The following PDE11A variants were observed in gnomAD, a reference collection of about 807,000 sequenced individuals.
The protein encoded by PDE11A is phosphodiesterase 11A.
A neutral mutation model predicts 100.5 loss-of-function variants in PDE11A; 100 were observed. The ratio of observed to expected loss-of-function variants is 1.00; its 90% CI spans 0.85 to 1.18. The LOEUF is 1.18. PDE11A is among the 50% of genes most tolerant of loss of function. The pLI, the probability that PDE11A is intolerant of heterozygous loss-of-function variation, is 0.00. For missense variants in PDE11A, 1,141 were observed against 1,152.6 expected (o/e 0.99, Z 0.15); for synonymous variants, 381 against 420.8 (o/e 0.91, Z 1.16).
At chr2:177,842,950 G>T (rs146095633) in intron 5 of PDE11A, among the ~76,000 whole-genome samples, 88 of 152,174 alleles carry the variant, frequency 5.8e-4, no homozygotes, top group African/African-American at 2.0e-3. Flanking sequence ...TAATTTTCAC[G>T]GAGAATAAAA....
chr2:177,704,230 T>C (rs1256494870), intron 13 of PDE11A, among the ~76,000 whole-genome samples: 1 of 152,182 alleles, frequency 6.6e-6, no homozygotes, highest in Non-Finnish European at 1.5e-5. Context: ...TCCCCTATAA[T>C]TGTGTCAGGA....
intron 1 of PDE11A, among the ~76,000 whole-genome samples, chr2:178,025,954 A>G (rs1397661772): frequency 6.6e-6 from 1 of 152,232 alleles, no homozygotes; most frequent in African/African-American, 2.4e-5. Flanking sequence ...ATCAGCATGA[A>G]GCTGTGATTC....
intron 1 of PDE11A, among the ~76,000 whole-genome samples, chr2:178,021,252 G>A (rs891974179): frequency 2.1e-4 from 32 of 152,130 alleles, no homozygotes; most frequent in African/African-American, 7.0e-4. Context: ...ATGAGCCACC[G>A]CACCCAGCCT....
chr2:177,836,348 A>T (rs2083397691), intron 6 of PDE11A, among the ~76,000 whole-genome samples: 1 of 152,196 alleles, frequency 6.6e-6, no homozygotes, highest in East Asian at 1.9e-4. Context: ...GTTTGTAAAC[A>T]CACCAATCAG....
intron 1 of PDE11A, among the ~76,000 whole-genome samples, chr2:178,052,573 G>A (rs1404216483): frequency 2.0e-5 from 3 of 152,076 alleles, no homozygotes; most frequent in African/African-American, 7.2e-5. Context: ...ATGAATCCAG[G>A]AGCTGGTTTT....
rs79652762 is a variant in PDE11A, at chr2:177,816,552, T to C, written c.1737+277A>G. ...ATAAATTTGAAATCCTGCCAAATTA[T>C]CTTTGGATTGTCACTATTTAATAAA... On this transcript the variant is annotated intron_variant, in intron 9 of 19. Transcript: ENST00000286063. Among the ~76,000 whole-genome samples the C allele has an allele frequency of 1.0e-3, 159 of 152,322 alleles. 1 individual carries two copies. In the East Asian group the frequency reaches 0.026, roughly 25 times the overall value.
At chr2:177,946,003 G>C (rs2085418397) in intron 2 of PDE11A, among the ~76,000 whole-genome samples, 1 of 149,410 alleles carries the variant, frequency 6.7e-6, no homozygotes, top group African/African-American at 2.5e-5. Flanking sequence ...GGAGGGAGAT[G>C]GGGGGTCAGC....
intron 18 of PDE11A, 107 bp from the exon 19 acceptor site, chr2:177,664,056 C>T (rs1174969764): frequency 8.3e-6 from 6 of 724,788 alleles, no homozygotes; most frequent in South Asian, 3.0e-5. Flanking sequence ...CAAACTGAAC[C>T]CTTCGCAAAT....
intron 1 of PDE11A, among the ~76,000 whole-genome samples, chr2:178,032,565 T>C (rs2086562532): frequency 6.6e-6 from 1 of 151,532 alleles, no homozygotes; most frequent in Non-Finnish European, 1.5e-5. Flanking sequence ...ACAGAATGCC[T>C]CCTCAAGTGG....
At chr2:177,639,160 G>C (rs902418554) in intron 19 of PDE11A, among the ~76,000 whole-genome samples, 2 of 152,150 alleles carry the variant, frequency 1.3e-5, no homozygotes, top group Non-Finnish European at 1.5e-5. Flanking sequence ...AACAGTTGTA[G>C]GACTCACTTC....
chr2:177,710,365 G>A (rs1435757017), intron 13 of PDE11A, among the ~76,000 whole-genome samples: 1 of 151,950 alleles, frequency 6.6e-6, no homozygotes, highest in African/African-American at 2.4e-5. Flanking sequence ...GTGGTGCGGG[G>A]GAGGCGGGGG....
intron 2 of PDE11A, among the ~76,000 whole-genome samples, chr2:177,929,367 A>C (rs1471855748): frequency 6.6e-6 from 1 of 152,242 alleles, no homozygotes; most frequent in Non-Finnish European, 1.5e-5. Flanking sequence ...GTTCAGGAAC[A>C]CTGATTCAAT....
chr2:178,024,386 TG>T (rs1268917391), intron 1 of PDE11A, among the ~76,000 whole-genome samples: 1 of 152,126 alleles, frequency 6.6e-6, no homozygotes, highest in Admixed American at 6.6e-5. Flanking sequence ...CTCTCCAGCC[TG>T]GGCAACAGAG....
intron 4 of PDE11A, among the ~76,000 whole-genome samples, chr2:177,894,057 T>C (rs980024728): frequency 5.9e-5 from 9 of 152,140 alleles, no homozygotes; most frequent in Admixed American, 5.2e-4. Flanking sequence ...GAAGTTGATA[T>C]TGAATGTGGG....
At chr2:177,931,237 T>G (rs1574287635) in intron 2 of PDE11A, among the ~76,000 whole-genome samples, 1 of 152,214 alleles carries the variant, frequency 6.6e-6, no homozygotes, top group East Asian at 1.9e-4. Flanking sequence ...AACGTTCTAT[T>G]TTATTTATTT....
At chr2:177,784,575 C>T (rs146014427) in intron 9 of PDE11A, among the ~76,000 whole-genome samples, 18 of 152,272 alleles carry the variant, frequency 1.2e-4, no homozygotes, top group African/African-American at 4.1e-4. Context: ...GGGTAGCCAC[C>T]CTTTTATTCC....
rs868720963 is a variant in PDE11A at position 178,105,296 on chromosome 2, C to T, written c.-13-820G>A. 8.5e-4 allele frequency among the ~76,000 whole-genome samples: 129 copies of T among 152,192 alleles called. No homozygotes were observed. In the Middle Eastern group the frequency reaches 0.02, roughly 24 times the overall value. ...CCAAGATGGTGAAACCCCATCTCTA[C>T]TAAAAATACAAAAATTAGCCGGGTG... On this transcript the variant is annotated intron_variant, in intron 1 of 20. Coordinates refer to the PDE11A transcript ENST00000358450.
At chr2:177,900,281 G>C (rs2084676713) in intron 3 of PDE11A, among the ~76,000 whole-genome samples, 1 of 152,150 alleles carries the variant, frequency 6.6e-6, no homozygotes, top group Non-Finnish European at 1.5e-5. Flanking sequence ...AGAAAGAGGT[G>C]CAATCTCAAG....
chr2:177,873,249 A>G (rs185108587), intron 5 of PDE11A, among the ~76,000 whole-genome samples: 2 of 152,346 alleles, frequency 1.3e-5, no homozygotes, highest in African/African-American at 4.8e-5. Context: ...TTTAATAACT[A>G]CATAAAGCTT....
Sources: allele counts gnomAD v4.1 joint callset (sites outside exome capture counted in the v4.1 genomes callset), GRCh38; gene constraint gnomAD v4.1.1; transcripts MANE v1.5; gene names NCBI Gene and HGNC (gene_info 2026-07-23, HGNC 2026-07-21).